ACSL3: variants seen among roughly 807,000 people sequenced by gnomAD.
ACSL3 encodes the protein fatty acid CoA ligase Acsl3.
A neutral mutation model predicts 84.7 loss-of-function variants in ACSL3; 34 were observed. The observed-to-expected ratio is 0.40, with a 90% CI of 0.31 to 0.53. The LOEUF (loss-of-function observed/expected upper bound fraction) is 0.53, where lower values mean the gene tolerates loss of function less well. Ranked by LOEUF, ACSL3 falls within the 20% of genes least tolerant of loss-of-function variation. The probability of loss-of-function intolerance (pLI) is 0.48; values close to 1 mark genes in which losing one functional copy is unlikely to be tolerated. For missense variants in ACSL3, 680 were observed against 873.1 expected, an observed-to-expected ratio of 0.78 and a Z score of 2.79; for synonymous variants, 315 against 299.4, an observed-to-expected ratio of 1.05 and a Z score of -0.54.
At chr2:222,941,386 GT>G (rs752752832) in intron 16 of ACSL3, 110 bp from the exon 17 acceptor site, 16 of 771,786 alleles carry the variant, frequency 2.1e-5, no homozygotes, top group Non-Finnish European at 3.0e-5. Flanking sequence ...GACATTCATG[GT>G]TCACTTGTTG....
chr2:222,864,613 C>T (rs1695092912), intron 1 of ACSL3, among the ~76,000 whole-genome samples: 1 of 152,000 alleles, frequency 6.6e-6, no homozygotes, highest in Non-Finnish European at 1.5e-5. Flanking sequence ...TGCTGATCTG[C>T]AGGTAGGGGT....
At chr2:222,920,787 ATTG>A (rs968422958) in intron 7 of ACSL3, among the ~76,000 whole-genome samples, 1 of 152,016 alleles carries the variant, frequency 6.6e-6, no homozygotes, top group Non-Finnish European at 1.5e-5. Flanking sequence ...CCACTTGACT[ATTG>A]TTTCTTGCCA....
At chr2:222,861,471 C>G (rs1437110714) in intron 1 of ACSL3, 2 of 152,162 alleles carry the variant, frequency 1.3e-5, no homozygotes, top group Non-Finnish European at 2.9e-5. Context: ...GTCCGGGAAG[C>G]GGCTGACGTG....
rs997549859 is a variant in ACSL3 at position 222,923,058 on chromosome 2, C to T, written c.1081-20C>T. On this transcript the variant is annotated intron_variant, in intron 9 of 16. Coordinates refer to ENST00000357430, the MANE Select transcript of ACSL3 (RefSeq NM_004457.5). ...AAAATAAGGATCACTTTATATGGAT[C>T]ACTTTTTCTTATTTTGTAGTCTTCA... The T allele has an allele frequency of 6.3e-7, 1 of 1,586,126 alleles. No homozygotes were observed. The highest frequency in any genetic ancestry group is 8.7e-7 in the Non-Finnish European group (1 of 1,155,206).
At chr2:222,881,073 C>T (rs1039276797) in intron 1 of ACSL3, among the ~76,000 whole-genome samples, 1 of 152,008 alleles carries the variant, frequency 6.6e-6, no homozygotes, top group African/African-American at 2.4e-5. Flanking sequence ...CCTTGAGAGC[C>T]GTAAATGTAA....
Position 222,943,095 on chromosome 2 carries a change from A to C in ACSL3, c.*1441A>C, listed in dbSNP as rs1471761464. 5.0e-5 allele frequency: 5 copies of C among 100,670 alleles called. No homozygotes were observed. Among genetic ancestry groups the C allele is most frequent in the Non-Finnish European group, 8.2e-5 (5 of 61,144 alleles). The allele number at this position is 100,670 out of a possible 1,614,324, so 6.2% of individuals were successfully genotyped here. On this transcript the variant is annotated 3_prime_UTR_variant, in exon 17 of 17. Transcript: ENST00000357430. ...TCAAAAGGCAAAAATCAAAAAAAAA[A>C]AAAACAAAAACAAAAAAAAAGATGA...
At chr2:222,914,234 C>CGT (rs57546680) in intron 4 of ACSL3, among the ~76,000 whole-genome samples, 5,775 of 140,168 alleles carry the variant, frequency 0.041, 183 homozygotes, top group African/African-American at 0.095. Context: ...TGTGTGTGTA[C>CGT]GTGTGTGTGT....
chr2:222,881,256 T>C (rs971716616), intron 1 of ACSL3, among the ~76,000 whole-genome samples: 2 of 152,274 alleles, frequency 1.3e-5, no homozygotes, highest in Non-Finnish European at 2.9e-5. Context: ...TATTTTACAC[T>C]TAGATCACAT....
In ACSL3 at chr2:222,916,508, T is replaced by C; in HGVS notation, c.556+12T>C. On this transcript the variant is annotated intron_variant, in intron 5 of 16. Transcript: ENST00000357430. Reference sequence around the variant, plus strand: ...GTATAATTTTCAGCGTATGTAGACTTTCTTATCTTCTGGAAGAATGAACTT... The same window carrying C: ...GTATAATTTTCAGCGTATGTAGACTCTCTTATCTTCTGGAAGAATGAACTT... The C allele has an allele frequency of 6.5e-7, 1 of 1,540,982 alleles. No homozygotes were observed. The highest frequency in any genetic ancestry group is 8.8e-7 in the Non-Finnish European group (1 of 1,139,264).
At chr2:222,894,492 G>A (rs1052342190) in intron 2 of ACSL3, among the ~76,000 whole-genome samples, 1 of 152,148 alleles carries the variant, frequency 6.6e-6, no homozygotes, top group African/African-American at 2.4e-5. Context: ...TCAAGATTTT[G>A]TTTGCTCATC....
rs1220830567 is a variant in ACSL3, at chr2:222,882,283, T to G, written c.-206-5547T>G. Among the ~76,000 whole-genome samples the G allele has an allele frequency of 2.6e-5, 4 of 152,268 alleles. No homozygotes were observed. In the East Asian group the frequency reaches 5.8e-4, roughly 22 times the overall value. The stretch of plus-strand genomic sequence containing the variant: ...AATTGATTGGGAAATTAGCTGAGAG[T>G]AGAATTCTAGGTTAAAACTTTCCCT... On this transcript the variant is annotated intron_variant, in intron 1 of 16. Coordinates refer to ENST00000357430, the MANE Select transcript of ACSL3 (RefSeq NM_004457.5).
intron 4 of ACSL3, among the ~76,000 whole-genome samples, chr2:222,913,121 T>TTA (rs1265966477): frequency 3.9e-5 from 6 of 152,292 alleles, no homozygotes; most frequent in African/African-American, 1.4e-4. Context: ...CTTAGATATT[T>TTA]TATAAAAATA....
intron 1 of ACSL3, among the ~76,000 whole-genome samples, chr2:222,865,619 G>A (rs1332275145): frequency 2.6e-5 from 4 of 152,240 alleles, no homozygotes; most frequent in Non-Finnish European, 5.9e-5. Context: ...CAGTGCAGCA[G>A]TGGAATCTGC....
rs1043792812 is a variant in ACSL3, at chr2:222,943,903, A to G, written c.*2249A>G. 1.3e-5 allele frequency: 2 copies of G among 152,174 alleles called. No homozygotes were observed. Among genetic ancestry groups the G allele is most frequent in the Non-Finnish European group, 2.9e-5 (2 of 67,988 alleles). 9.4% of individuals were successfully genotyped at this position (152,174 alleles called of 1,614,324 possible). On this transcript the variant is annotated 3_prime_UTR_variant, in exon 17 of 17. Coordinates refer to ENST00000357430, the MANE Select transcript of ACSL3 (RefSeq NM_004457.5). ...AATTTCAAATTGCTAAATCTAATAC[A>G]AATATCTGACAATAAGATACAGATC...
At position 222,869,040 on chromosome 2, in the gene ACSL3, T is replaced by C. The variant is rs184808602; in HGVS notation, c.-207+7782T>C. Among the ~76,000 whole-genome samples, 35 of 152,298 alleles carry C rather than the reference T, an allele frequency of 2.3e-4. No homozygotes were observed. The East Asian group carries it at 5.8e-3, about 25-fold the overall frequency. On this transcript the variant is annotated intron_variant, in intron 1 of 16. Coordinates refer to ENST00000357430, the MANE Select transcript of ACSL3 (RefSeq NM_004457.5). The stretch of plus-strand genomic sequence containing the variant: ...AAATACGTATAAAGCACTTTGAAAG[T>C]GAGTTGACATGGTGAAATTCTCAGA...
At chr2:222,930,944 C>A in intron 14 of ACSL3, 132 bp downstream of exon 14, 1 of 758,892 alleles carries the variant, frequency 1.3e-6, no homozygotes, top group Non-Finnish European at 2.0e-6. Context: ...TGCATCACTC[C>A]TGGAATATAA....
intron 1 of ACSL3, among the ~76,000 whole-genome samples, chr2:222,868,324 A>C (rs1205324008): frequency 6.6e-6 from 1 of 152,148 alleles, no homozygotes; most frequent in Admixed American, 6.5e-5. Flanking sequence ...TCTATGTCTC[A>C]ATTTCTTCAT....
intron 7 of ACSL3, 69 bp downstream of exon 7, chr2:222,919,271 G>A: frequency 6.4e-7 from 1 of 1,563,856 alleles, no homozygotes; most frequent in Non-Finnish European, 8.7e-7. Flanking sequence ...TTATGCCAAA[G>A]TTTTGATTCT....
At chr2:222,937,802 A>G (rs1314604095) in intron 16 of ACSL3, among the ~76,000 whole-genome samples, 1 of 152,068 alleles carries the variant, frequency 6.6e-6, no homozygotes, top group African/African-American at 2.4e-5. Flanking sequence ...GTCATTATTG[A>G]TATGAAAGAC....
Sources: gnomAD v4.1 joint callset for allele counts (sites outside exome capture counted in the v4.1 genomes callset) on GRCh38, gnomAD v4.1.1 for gene constraint, MANE v1.5 for transcripts, NCBI Gene and HGNC (gene_info 2026-07-23, HGNC 2026-07-21) for gene names.